Variants in SLC4A10 observed in about 807,000 individuals in gnomAD.
SLC4A10 encodes the protein sodium-driven chloride bicarbonate exchanger.
A neutral mutation model predicts 137.7 loss-of-function variants in SLC4A10; 42 were observed. The observed-to-expected ratio is 0.30, with a 90% CI of 0.24 to 0.39. The LOEUF is 0.39. SLC4A10 is among the 10% of genes least tolerant of loss of function. The pLI is 1.00. For synonymous variants in SLC4A10, 474 were observed against 464.1 expected (o/e 1.02, Z -0.27); for missense variants, 925 against 1,355.0 (o/e 0.68, Z 4.98).
intron 2 of SLC4A10, among the ~76,000 whole-genome samples, chr2:161,774,275 C>A (rs1446426711): frequency 6.6e-6 from 1 of 151,890 alleles, no homozygotes; most frequent in Non-Finnish European, 1.5e-5. Flanking sequence ...AAAATTATTT[C>A]TTCTACTTTC....
chr2:161,750,735 A>T (rs1047839245), intron 1 of SLC4A10, among the ~76,000 whole-genome samples: 4 of 151,620 alleles, frequency 2.6e-5, no homozygotes, highest in African/African-American at 9.7e-5. Context: ...GTATATGTCT[A>T]TTGAGTTCAT....
chr2:161,709,815 G>C (rs1400152354), intron 1 of SLC4A10: 1 of 151,566 alleles, frequency 6.6e-6, no homozygotes, highest in African/African-American at 2.4e-5. Context: ...TTGACATTCA[G>C]ATTTTGAAGG....
rs76336884 is a variant in SLC4A10, at chr2:161,944,014, A to G, written c.2103+1117A>G. On this transcript the variant is annotated intron_variant, in intron 16 of 26. Transcript: ENST00000446997. ...TCTTGACCTATATTTTACTACTTCT[A>G]TTCTTACCCTAGCTGTGTTCTGTAG... Among the ~76,000 whole-genome samples, 943 of 151,950 alleles carry G rather than the reference A, an allele frequency of 6.2e-3. 9 individuals are homozygous for G. The highest frequency in any genetic ancestry group is 0.021 in the African/African-American group (891 of 41,536).
At chr2:161,744,218 A>G (rs1270611465) in intron 1 of SLC4A10, among the ~76,000 whole-genome samples, 1 of 152,128 alleles carries the variant, frequency 6.6e-6, no homozygotes, top group African/African-American at 2.4e-5. Context: ...CATCTTAGAA[A>G]AAAGGCTTTC....
At chr2:161,913,249 T>C (rs1686286045) in intron 15 of SLC4A10, among the ~76,000 whole-genome samples, 1 of 152,164 alleles carries the variant, frequency 6.6e-6, no homozygotes, top group South Asian at 2.1e-4. Context: ...TTCTAGAACT[T>C]TAAAATGTCT....
At chr2:161,796,916 G>A (rs2054834405) in intron 2 of SLC4A10, among the ~76,000 whole-genome samples, 1 of 151,944 alleles carries the variant, frequency 6.6e-6, no homozygotes, top group South Asian at 2.1e-4. Flanking sequence ...GAAAATTTTA[G>A]TTTTACATTT....
intron 10 of SLC4A10, among the ~76,000 whole-genome samples, chr2:161,883,877 G>C (rs1295368294): frequency 6.6e-6 from 1 of 152,068 alleles, no homozygotes; most frequent in African/African-American, 2.4e-5. Flanking sequence ...TGGATTTAGG[G>C]CCCATCCTAA....
rs188941015 is a variant in SLC4A10, at chr2:161,794,577, C to T, written c.131-9872C>T. Among the ~76,000 whole-genome samples, 148 of 152,152 alleles carry T rather than the reference C, an allele frequency of 9.7e-4. No individual in the cohort carries two copies. In the Middle Eastern group the frequency reaches 0.02, roughly 21 times the overall value. ...GAAGAAGATGGATATATGAAAAAGT[C>T]TAATATACTAGCCTTATTGAGGTAA... On this transcript the variant is annotated intron_variant, in intron 2 of 26. Coordinates refer to ENST00000446997, the MANE Select transcript of SLC4A10 (RefSeq NM_001178015.2).
Position 161,882,393 on chromosome 2 carries a change from T to A in SLC4A10, c.1143T>A (p.Gly381=). The A allele has an allele frequency of 6.3e-7, 1 of 1,597,228 alleles. No individual in the cohort carries two copies. The highest frequency in any genetic ancestry group is 1.1e-5 in the South Asian group (1 of 87,616). ...TTCTTCTGGGACCCCTGGGAAAGGG[T>A]CAACAGTACCATGAGATTGGCAGAT... is the stretch of plus-strand genomic sequence containing the variant. ...LFILLGPLGK[G]QQYHEIGRSI... is the part of the protein sequence containing the mutation. The change falls in exon 10 of 27, where the codon GGT becomes GGA. Residue 381 remains glycine (G), a synonymous_variant. Coordinates refer to ENST00000446997, the MANE Select transcript of SLC4A10 (RefSeq NM_001178015.2).
At chr2:161,682,697 G>A (rs188174364) in intron 1 of SLC4A10, among the ~76,000 whole-genome samples, 4 of 152,200 alleles carry the variant, frequency 2.6e-5, no homozygotes, top group Non-Finnish European at 4.4e-5. Flanking sequence ...ATCTGGAATA[G>A]GGTGGGGGCT....
Position 161,904,871 on chromosome 2 carries a change from A to C in SLC4A10, c.1713A>C (p.Pro571=). 1 of 1,613,958 alleles carries C rather than the reference A, an allele frequency of 6.2e-7. No individual in the cohort carries two copies. Among genetic ancestry groups the C allele is most frequent in the Non-Finnish European group, 8.5e-7 (1 of 1,179,870 alleles). Residue 571 remains proline (P), a synonymous_variant, in exon 14 of 27, where the codon CCA becomes CCC. Transcript: ENST00000446997. ...QPLTILGSTG[P]VLVFEKILFK... Reference sequence around the variant, plus strand: ...TTACCATATTAGGCAGTACAGGACCAGTTTTGGTGTTTGAAAAGATTTTGT... The same window carrying C: ...TTACCATATTAGGCAGTACAGGACCCGTTTTGGTGTTTGAAAAGATTTTGT...
intron 1 of SLC4A10, among the ~76,000 whole-genome samples, chr2:161,716,662 T>A (rs6704789): frequency 0.79 from 119,224 of 150,286 alleles, 47,718 homozygotes; most frequent in Middle Eastern, 0.87. Flanking sequence ...TCCATTGGTC[T>A]ATGTGTCTGT....
intron 3 of SLC4A10, among the ~76,000 whole-genome samples, chr2:161,814,948 T>G (rs918290593): frequency 2.0e-5 from 3 of 151,976 alleles, no homozygotes; most frequent in Non-Finnish European, 4.4e-5. Context: ...TTTTTAAAAC[T>G]TACCAAACGT....
intron 2 of SLC4A10, among the ~76,000 whole-genome samples, chr2:161,795,892 C>T (rs1411689690): frequency 1.3e-5 from 2 of 151,994 alleles, no homozygotes; most frequent in Non-Finnish European, 1.5e-5. Flanking sequence ...CCAAATGAAT[C>T]GGCATTTATT....
At chr2:161,682,953 T>A (rs1429849791) in intron 1 of SLC4A10, among the ~76,000 whole-genome samples, 1 of 152,020 alleles carries the variant, frequency 6.6e-6, no homozygotes, top group Non-Finnish European at 1.5e-5. Flanking sequence ...TCATAAAATG[T>A]ATATGCAATA....
At chr2:161,929,074 A>C (rs772814325) in intron 15 of SLC4A10, among the ~76,000 whole-genome samples, 1 of 152,310 alleles carries the variant, frequency 6.6e-6, no homozygotes, top group Admixed American at 6.5e-5. Context: ...AAACTATAGT[A>C]CTGGCCCTTT....
intron 21 of SLC4A10, among the ~76,000 whole-genome samples, chr2:161,961,069 A>G (rs1465684427): frequency 1.3e-5 from 2 of 152,252 alleles, no homozygotes; most frequent in African/African-American, 4.8e-5. Context: ...AGACTTATTC[A>G]TCATATAGTA....
chr2:161,754,140 G>A (rs2049321190), intron 1 of SLC4A10, among the ~76,000 whole-genome samples: 1 of 152,010 alleles, frequency 6.6e-6, no homozygotes, highest in Non-Finnish European at 1.5e-5. Context: ...CTGGGCTCAA[G>A]TTATCTGTGC....
chr2:161,750,228 T>A (rs79260613), intron 1 of SLC4A10, among the ~76,000 whole-genome samples: 2,826 of 151,782 alleles, frequency 0.019, 59 homozygotes, highest in African/African-American at 0.053. Flanking sequence ...TTCTGTCATT[T>A]TTGTTTTCTC....
Sources: allele counts gnomAD v4.1 joint callset (sites outside exome capture counted in the v4.1 genomes callset), GRCh38; gene constraint gnomAD v4.1.1; transcripts MANE v1.5; gene names NCBI Gene and HGNC (gene_info 2026-07-23, HGNC 2026-07-21).